The following HPSE2 variants were observed in gnomAD, a reference collection of about 807,000 sequenced individuals.
HPSE2 encodes inactive heparanase-2.
Under a neutral mutation model 60.5 loss-of-function variants are expected in HPSE2, and 38 were observed. The ratio of observed to expected loss-of-function variants is 0.63; its 90% CI spans 0.48 to 0.82. The LOEUF is 0.82. Among genes scored for constraint, HPSE2 ranks in the 40% least tolerant of loss-of-function variants. HPSE2 has a pLI of 0.00. For missense variants in HPSE2, 713 were observed against 740.4 expected, an observed-to-expected ratio of 0.96 and a Z score of 0.43; for synonymous variants, 295 against 293.2, an observed-to-expected ratio of 1.01 and a Z score of -0.06.
chr10:99,141,614 T>A (rs1319701968), intron 3 of HPSE2, among the ~76,000 whole-genome samples: 1 of 152,182 alleles, frequency 6.6e-6, no homozygotes, highest in Non-Finnish European at 1.5e-5. Flanking sequence ...AATTGTAGAG[T>A]TGTTTTCTTT....
chr10:98,557,945 A>G (rs1019239888), intron 9 of HPSE2, among the ~76,000 whole-genome samples: 13 of 152,200 alleles, frequency 8.5e-5, no homozygotes, highest in Admixed American at 8.5e-4. Context: ...CAGAATATAT[A>G]AAGAAAAGGA....
At chr10:99,245,227 T>C in the HPSE2 span, among the ~76,000 whole-genome samples, 4 of 152,186 alleles carry the variant, frequency 2.6e-5, no homozygotes, top group African/African-American at 9.6e-5. Context: ...TGGCTGCACA[T>C]TAAAATCATC....
chr10:99,112,809 G>A (rs1439911927), intron 3 of HPSE2, among the ~76,000 whole-genome samples: 5 of 152,160 alleles, frequency 3.3e-5, no homozygotes, highest in Admixed American at 3.3e-4. Flanking sequence ...TAAAGAATTG[G>A]TAGGATGGTT....
chr10:99,306,220 G>T, the HPSE2 span, among the ~76,000 whole-genome samples: 1 of 152,062 alleles, frequency 6.6e-6, no homozygotes, highest in Non-Finnish European at 1.5e-5. Context: ...TTCTAAAAGT[G>T]ATGAAAGATC....
In HPSE2 at chr10:98,938,603, G is replaced by A. The variant is rs573844661; in HGVS notation, c.611-194547C>T. ...GACTATGTGAAAAGACCAAATCTACGTCTGATTGGTGTACCTGAAAGTGAG... is the reference window on the plus strand; with the variant it reads ...GACTATGTGAAAAGACCAAATCTACATCTGATTGGTGTACCTGAAAGTGAG... On this transcript the variant is annotated intron_variant, in intron 3 of 11. Coordinates refer to ENST00000370552, the MANE Select transcript of HPSE2 (RefSeq NM_021828.5). Among the ~76,000 whole-genome samples the A allele has an allele frequency of 2.6e-4, 37 of 144,122 alleles. 5 individuals are homozygous for A. Among genetic ancestry groups the A allele is most frequent in the Admixed American group, 1.8e-3 (26 of 14,480 alleles). 94.5% of individuals were successfully genotyped at this position (144,122 alleles called of 152,430 possible). A position where few individuals can be genotyped will look rare whatever the true frequency, so the allele number is the denominator to read the frequency against.
At chr10:98,838,468 T>G (rs1215367770) in intron 3 of HPSE2, among the ~76,000 whole-genome samples, 1 of 152,074 alleles carries the variant, frequency 6.6e-6, no homozygotes, top group African/African-American at 2.4e-5. Flanking sequence ...TCATTTTTTT[T>G]TTTTTTAGAT....
chr10:99,033,804 A>AC (rs1262942131), intron 3 of HPSE2, among the ~76,000 whole-genome samples: 1 of 151,982 alleles, frequency 6.6e-6, no homozygotes, highest in Non-Finnish European at 1.5e-5. Flanking sequence ...AACACAAAAA[A>AC]CCAACAACAG....
At chr10:98,706,734 G>C (rs1948557434) in intron 5 of HPSE2, among the ~76,000 whole-genome samples, 1 of 152,174 alleles carries the variant, frequency 6.6e-6, no homozygotes, top group Non-Finnish European at 1.5e-5. Flanking sequence ...GCTGTTCACA[G>C]AAGTCCAGTA....
chr10:98,780,194 T>C (rs1950432766), intron 3 of HPSE2, among the ~76,000 whole-genome samples: 1 of 152,170 alleles, frequency 6.6e-6, no homozygotes, highest in South Asian at 2.1e-4. Flanking sequence ...GTCTTCTTTC[T>C]GGTAAATTAT....
At chr10:98,732,805 T>G in intron 4 of HPSE2, among the ~76,000 whole-genome samples, 1 of 152,116 alleles carries the variant, frequency 6.6e-6, no homozygotes, top group East Asian at 1.9e-4. Flanking sequence ...GCTTTTAGAC[T>G]AAAAGATGCC....
At chr10:99,156,368 C>T (rs200500737) in intron 2 of HPSE2, among the ~76,000 whole-genome samples, 4 of 143,820 alleles carry the variant, frequency 2.8e-5, no homozygotes, top group South Asian at 2.4e-4. Context: ...TCTGGCAAAA[C>T]GAATCCAGCA....
At chr10:99,175,032 G>T (rs964004425) in intron 2 of HPSE2, among the ~76,000 whole-genome samples, 16 of 152,120 alleles carry the variant, frequency 1.1e-4, no homozygotes, top group African/African-American at 2.9e-4. Flanking sequence ...CCCTCCCCTA[G>T]CCAAGGGAAG....
intron 3 of HPSE2, among the ~76,000 whole-genome samples, chr10:99,132,971 G>C (rs1210604166): frequency 1.3e-5 from 2 of 152,182 alleles, no homozygotes; most frequent in African/African-American, 2.4e-5. Flanking sequence ...ACAGAGCCCA[G>C]CAAACTAAGA....
rs138459539 is a variant in HPSE2, at chr10:98,999,968, A to G, written c.610+144270T>C. 1.8e-3 allele frequency among the ~76,000 whole-genome samples: 275 copies of G among 152,312 alleles called. 2 individuals are homozygous for G. The highest frequency in any genetic ancestry group is 2.2e-3 in the Non-Finnish European group (147 of 68,002). On this transcript the variant is annotated intron_variant, in intron 3 of 11. Coordinates refer to ENST00000370552, the MANE Select transcript of HPSE2 (RefSeq NM_021828.5). ...ATGAATTAGTGGAGAAAGAATAGAG[A>G]AACCAGTCTGAGGTGTTTGTTTTAG...
intron 3 of HPSE2, among the ~76,000 whole-genome samples, chr10:98,955,823 G>C (rs914873341): frequency 1.3e-5 from 2 of 152,118 alleles, no homozygotes; most frequent in African/African-American, 4.8e-5. Flanking sequence ...GGATGGAGCT[G>C]GAAGCCATTA....
intron 2 of HPSE2, among the ~76,000 whole-genome samples, chr10:99,214,515 A>C (rs1343146940): frequency 6.6e-6 from 1 of 152,230 alleles, no homozygotes; most frequent in Non-Finnish European, 1.5e-5. Context: ...TCATAAAAGG[A>C]AATGAAATAC....
intron 2 of HPSE2, among the ~76,000 whole-genome samples, chr10:99,205,320 G>C (rs539385719): frequency 3.3e-5 from 5 of 152,232 alleles, no homozygotes; most frequent in African/African-American, 1.2e-4. Context: ...CAGGTGTAGT[G>C]GCTCACACCT....
chr10:99,052,000 A>G (rs1958002674), intron 3 of HPSE2, among the ~76,000 whole-genome samples: 1 of 152,084 alleles, frequency 6.6e-6, no homozygotes. Context: ...CAGATTCTCC[A>G]GGGTATATCA....
rs557558869 is a variant in HPSE2 at position 98,936,754 on chromosome 10, G to A, written c.611-192698C>T. On this transcript the variant is annotated intron_variant, in intron 3 of 11. Coordinates refer to ENST00000370552, the MANE Select transcript of HPSE2 (RefSeq NM_021828.5). ...CCAGCACTTTGGGAGGCCGAGGTGGGTGGATTATGAGGTCAGAAGTTCAAG... is the reference window on the plus strand; with the variant it reads ...CCAGCACTTTGGGAGGCCGAGGTGGATGGATTATGAGGTCAGAAGTTCAAG... Among the ~76,000 whole-genome samples the A allele has an allele frequency of 8.6e-4, 123 of 142,604 alleles. 11 individuals carry two copies. The highest frequency in any genetic ancestry group is 1.4e-3 in the Non-Finnish European group (91 of 66,882). 93.6% of individuals were successfully genotyped at this position (142,604 alleles called of 152,430 possible).
Sources: allele counts gnomAD v4.1 joint callset (sites outside exome capture counted in the v4.1 genomes callset), GRCh38; gene constraint gnomAD v4.1.1; transcripts MANE v1.5; gene names NCBI Gene and HGNC (gene_info 2026-07-23, HGNC 2026-07-21).